The following ERGIC1 variants were observed in gnomAD, a reference collection of about 807,000 sequenced individuals.
ERGIC1 encodes the protein endoplasmic reticulum-Golgi intermediate compartment protein 1.
A neutral mutation model predicts 38.3 loss-of-function variants in ERGIC1; 19 were observed. The ratio of observed to expected loss-of-function variants is 0.50; its 90% CI spans 0.35 to 0.73. The LOEUF (loss-of-function observed/expected upper bound fraction) is 0.73, where lower values mean the gene tolerates loss of function less well. Among genes scored for constraint, ERGIC1 ranks in the 30% least tolerant of loss-of-function variants. The pLI is 0.01. For missense variants in ERGIC1, 294 were observed against 389.2 expected (o/e 0.76, Z 2.06); for synonymous variants, 124 against 157.6 (o/e 0.79, Z 1.60).
chr5:172,904,385 C>T (rs1272735861), intron 3 of ERGIC1, among the ~76,000 whole-genome samples: 3 of 152,106 alleles, frequency 2.0e-5, no homozygotes, highest in Non-Finnish European at 1.5e-5. Flanking sequence ...ATTTTCGAAC[C>T]GATTGAAAGC....
chr5:172,947,500 C>A (rs984620188), intron 9 of ERGIC1, among the ~76,000 whole-genome samples: 3 of 152,186 alleles, frequency 2.0e-5, no homozygotes, highest in African/African-American at 7.2e-5. Flanking sequence ...GGAAACCCCC[C>A]TGGAATGTGT....
intron 7 of ERGIC1, among the ~76,000 whole-genome samples, chr5:172,932,136 G>A (rs769259561): frequency 2.0e-5 from 3 of 152,178 alleles, no homozygotes; most frequent in Non-Finnish European, 2.9e-5. Context: ...TGGGATTACA[G>A]GCGTGAGCCA....
At chr5:172,884,253 T>TG (rs1352378543) in intron 1 of ERGIC1, among the ~76,000 whole-genome samples, 4 of 118,788 alleles carry the variant, frequency 3.4e-5, no homozygotes, top group African/African-American at 1.1e-4. Context: ...AGTTTTTTTT[T>TG]TTTTTTTTTT....
chr5:172,847,993 G>T (rs1230180779), intron 1 of ERGIC1, among the ~76,000 whole-genome samples: 1 of 152,244 alleles, frequency 6.6e-6, no homozygotes, highest in Non-Finnish European at 1.5e-5. Context: ...GCCTGGTGAA[G>T]TTGCTGGGTT....
chr5:172,949,038 G>C (rs1360685568), intron 9 of ERGIC1, among the ~76,000 whole-genome samples: 4 of 152,196 alleles, frequency 2.6e-5, no homozygotes, highest in African/African-American at 9.7e-5. Context: ...GGGTGACAGA[G>C]TGAGACCCTG....
chr5:172,873,603 G>A (rs1246852904), intron 1 of ERGIC1, among the ~76,000 whole-genome samples: 3 of 152,222 alleles, frequency 2.0e-5, no homozygotes, highest in East Asian at 1.9e-4. Flanking sequence ...GGCTCCCAGG[G>A]CCCAGTGGGG....
intron 1 of ERGIC1, among the ~76,000 whole-genome samples, chr5:172,873,700 C>T (rs1015432523): frequency 6.6e-6 from 1 of 152,224 alleles, no homozygotes; most frequent in East Asian, 1.9e-4. Context: ...TTCTTGTTAG[C>T]TGTGTGAGCT....
At chr5:172,923,806 GC>G (rs1292488596) in intron 5 of ERGIC1, among the ~76,000 whole-genome samples, 198 bp from the exon 6 acceptor site, 4 of 152,210 alleles carry the variant, frequency 2.6e-5, no homozygotes, top group African/African-American at 9.7e-5. Flanking sequence ...CTATGGTAGT[GC>G]CCCCATTCTG....
At position 172,926,436 on chromosome 5, in the gene ERGIC1, TC is replaced by T; in HGVS notation, c.481-68del. 6.4e-7 allele frequency: 1 copy of T among 1,557,210 alleles called. No individual in the cohort carries two copies. ...TCCTAGACCAGGTGGTACCTGGCCATCCCCCACAACCAGGGCCAGGCCTGGA... is the reference window on the plus strand; with the variant it reads ...TCCTAGACCAGGTGGTACCTGGCCATCCCCACAACCAGGGCCAGGCCTGGA... On this transcript the variant is annotated intron_variant, in intron 6 of 9. Transcript: ENST00000393784. This position sits in a 1 kb window ranked among gnomAD's most constrained non-coding sequence, Gnocchi z 5.2.
intron 1 of ERGIC1, among the ~76,000 whole-genome samples, chr5:172,877,682 A>G (rs1404642489): frequency 6.6e-6 from 1 of 151,740 alleles, no homozygotes; most frequent in Non-Finnish European, 1.5e-5. Flanking sequence ...TTTCCCATCT[A>G]GCTGTATCAC....
At chr5:172,872,994 A>G (rs1762054953) in intron 1 of ERGIC1, among the ~76,000 whole-genome samples, 1 of 152,132 alleles carries the variant, frequency 6.6e-6, no homozygotes, top group South Asian at 2.1e-4. Context: ...AAACTTAAAA[A>G]CACTGACACC....
chr5:172,914,988 C>G, intron 5 of ERGIC1, 150 bp downstream of exon 5: 1 of 1,280,304 alleles, frequency 7.8e-7, no homozygotes, highest in South Asian at 1.3e-5. Flanking sequence ...CCTGGCCGTT[C>G]CTGCTGAGAA....
intron 3 of ERGIC1, among the ~76,000 whole-genome samples, chr5:172,903,983 A>ACACC (rs1729593491): frequency 6.6e-6 from 1 of 151,598 alleles, no homozygotes; most frequent in Non-Finnish European, 1.5e-5. Context: ...ACACACACAC[A>ACACC]CACACATTGA....
chr5:172,940,102 G>A (rs1361295541), intron 9 of ERGIC1, among the ~76,000 whole-genome samples: 2 of 152,170 alleles, frequency 1.3e-5, no homozygotes, highest in African/African-American at 4.8e-5. Context: ...GGGCTGGGAG[G>A]CAGCTGTGGG....
chr5:172,899,680 T>C (rs778199551), intron 3 of ERGIC1, among the ~76,000 whole-genome samples: 3 of 152,088 alleles, frequency 2.0e-5, no homozygotes, highest in Non-Finnish European at 2.9e-5. Flanking sequence ...CACTCACTGC[T>C]CTGTGGCTCC....
At chr5:172,937,887 A>C (rs1279254393) in intron 9 of ERGIC1, 1 of 151,748 alleles carries the variant, frequency 6.6e-6, no homozygotes, top group Admixed American at 6.6e-5. Flanking sequence ...AATCCCAGCT[A>C]CTTGGGAGGC....
At chr5:172,865,783 A>C (rs1267023471) in intron 1 of ERGIC1, among the ~76,000 whole-genome samples, 1 of 152,166 alleles carries the variant, frequency 6.6e-6, no homozygotes, top group Non-Finnish European at 1.5e-5. Flanking sequence ...ATGTGGTCGG[A>C]TCAGTGCTTC....
intron 1 of ERGIC1, among the ~76,000 whole-genome samples, chr5:172,836,794 C>T (rs1297116903): frequency 6.6e-6 from 1 of 152,172 alleles, no homozygotes; most frequent in East Asian, 1.9e-4. Flanking sequence ...AACTGGCACG[C>T]AAGGAGCATC....
At chr5:172,914,869 C>T in intron 5 of ERGIC1, 31 bp downstream of exon 5, 1 of 1,613,802 alleles carries the variant, frequency 6.2e-7, no homozygotes. Context: ...CCCTTTCTAC[C>T]TGCTCCCCTT....
Sources: gnomAD v4.1 joint callset for allele counts (sites outside exome capture counted in the v4.1 genomes callset) on GRCh38, gnomAD v4.1.1 for gene constraint, Gnocchi (gnomAD v3.1) non-coding constraint, MANE v1.5 for transcripts, NCBI Gene and HGNC (gene_info 2026-07-23, HGNC 2026-07-21) for gene names.